CCP110: variants seen among roughly 807,000 people sequenced by gnomAD.
CCP110 encodes centriolar coiled-coil protein 110, also known as centriolar coiled-coil protein of 110 kDa.
Under a neutral mutation model 105.5 loss-of-function variants are expected in CCP110, and 43 were observed. That is an observed-to-expected ratio of 0.41 (90% confidence interval 0.32 to 0.53). CCP110 has a LOEUF of 0.53. Ranked by LOEUF, CCP110 falls within the 20% of genes least tolerant of loss-of-function variation. CCP110 has a pLI of 0.32. For missense variants in CCP110, 1,016 were observed against 1,189.1 expected, an observed-to-expected ratio of 0.85 and a Z score of 2.14; for synonymous variants, 353 against 392.1, an observed-to-expected ratio of 0.90 and a Z score of 1.18.
At chr16:19,539,421 G>T (rs918979818) in intron 4 of CCP110, among the ~76,000 whole-genome samples, 3 of 149,152 alleles carry the variant, frequency 2.0e-5, no homozygotes, top group Non-Finnish European at 3.0e-5. Context: ...CTAGATTGCT[G>T]TGGTGCGATC....
At chr16:19,529,157 A>G (rs1176840487) in intron 2 of CCP110, among the ~76,000 whole-genome samples, 2 of 152,222 alleles carry the variant, frequency 1.3e-5, no homozygotes, top group East Asian at 1.9e-4. Flanking sequence ...GGTACCCAAT[A>G]TAAGTTAACC....
Position 19,540,518 on chromosome 16 carries a change from A to G in CCP110, c.1919-139A>G, listed in dbSNP as rs992913377. 7 of 686,580 alleles carry G rather than the reference A, an allele frequency of 1.0e-5. No homozygotes were observed. In the Admixed American group the frequency reaches 1.2e-4, roughly 11 times the overall value. 42.5% of individuals were successfully genotyped at this position (686,580 alleles called of 1,614,324 possible). ...ATAAAAGGAGTGTGGTTCGAAGTAG[A>G]GACCCAGCTATATCTTGATTGTATT... On this transcript the variant is annotated intron_variant, in intron 4 of 14. Coordinates refer to ENST00000381396, the Ensembl canonical transcript of CCP110.
chr16:19,551,308 T>G (rs1348245022), exon 15 of CCP110: 1 of 1,349,036 alleles, frequency 7.4e-7, no homozygotes, highest in South Asian at 1.2e-5. Flanking sequence ...TTATTTTCCC[T>G]GCCCAAGACT....
At chr16:19,529,541 T>G (rs1323094551) in intron 2 of CCP110, among the ~76,000 whole-genome samples, 2 of 152,220 alleles carry the variant, frequency 1.3e-5, no homozygotes, top group Non-Finnish European at 2.9e-5. Flanking sequence ...TGCTTTATTG[T>G]GTTTGTGATT....
At chr16:19,538,052 C>T (rs566095181) in intron 4 of CCP110, among the ~76,000 whole-genome samples, 1 of 152,052 alleles carries the variant, frequency 6.6e-6, no homozygotes, top group East Asian at 1.9e-4. Context: ...GCGTGAGCCA[C>T]GACACCCAGC....
chr16:19,535,525 T>A (rs886756675), intron 3 of CCP110, among the ~76,000 whole-genome samples: 3 of 152,180 alleles, frequency 2.0e-5, no homozygotes, highest in African/African-American at 7.2e-5. Context: ...GCATATATTA[T>A]TATCCTTGGA....
rs146197753 is a variant in CCP110 at position 19,550,686 on chromosome 16, A to G, written c.2987-510A>G. ...TTATAGAAAACTAACTTTTCTTATGATAGAATATCATACTCTTAGACTGAA... is the reference window on the plus strand; with the variant it reads ...TTATAGAAAACTAACTTTTCTTATGGTAGAATATCATACTCTTAGACTGAA... On this transcript the variant is annotated intron_variant, in intron 14 of 14. Transcript: ENST00000381396. Among the ~76,000 whole-genome samples, 1,401 of 152,354 alleles carry G rather than the reference A, an allele frequency of 9.2e-3. 12 individuals are homozygous for G. The highest frequency in any genetic ancestry group is 0.013 in the Non-Finnish European group (913 of 68,028).
intron 5 of CCP110, among the ~76,000 whole-genome samples, chr16:19,541,213 T>C (rs974885846): frequency 4.0e-5 from 6 of 151,736 alleles, no homozygotes; most frequent in Non-Finnish European, 8.8e-5. Flanking sequence ...GATTTCGCCT[T>C]TGTCTAGCCA....
intron 10 of CCP110, 118 bp downstream of exon 10, chr16:19,545,328 T>G (rs1040855599): frequency 3.6e-6 from 2 of 557,800 alleles, no homozygotes; most frequent in African/African-American, 1.9e-5. Flanking sequence ...CACAAGTAAT[T>G]CCTGGAATTA....
At chr16:19,536,497 G>C in exon 4 of CCP110, 1 of 1,614,110 alleles carries the variant, frequency 6.2e-7, no homozygotes, top group Non-Finnish European at 8.5e-7. Flanking sequence ...GTGTAAAAGA[G>C]AAAGGCCAGT....
intron 4 of CCP110, among the ~76,000 whole-genome samples, chr16:19,538,203 G>A (rs1020228630): frequency 1.1e-4 from 17 of 151,636 alleles, no homozygotes; most frequent in African/African-American, 3.4e-4. Flanking sequence ...GATTACAGGC[G>A]TGAGCCATCA....
intron 3 of CCP110, among the ~76,000 whole-genome samples, chr16:19,534,109 C>G (rs974889747): frequency 3.3e-5 from 5 of 152,028 alleles, no homozygotes; most frequent in Non-Finnish European, 5.9e-5. Flanking sequence ...ATATTATTTC[C>G]CTTTCACAGT....
chr16:19,540,665 G>C (rs761451591), exon 5 of CCP110: 19 of 1,612,142 alleles, frequency 1.2e-5, no homozygotes, highest in Non-Finnish European at 1.6e-5. Context: ...AGAAAGCGAG[G>C]AGTTACTAAA....
intron 8 of CCP110, among the ~76,000 whole-genome samples, chr16:19,544,156 C>T (rs554605588): frequency 1.7e-3 from 260 of 152,306 alleles, no homozygotes; most frequent in African/African-American, 5.4e-3. Context: ...TCTCTTTGTA[C>T]TCTTTCTCTT....
chr16:19,544,851 A>G lies in CCP110; in HGVS notation c.2539A>G (p.Ile847Val), dbSNP rs947857573. Residue 847 changes from isoleucine to valine, a missense_variant, in exon 9 of 15, where the codon ATT becomes GTT. Transcript: ENST00000381396. ...GTCAGAAGCACCATTAAAGAGAGGC[A>G]TTGTTTCAGCTCAAGATGCTTCACT... 8.1e-6 allele frequency: 13 copies of G among 1,606,666 alleles called. No individual in the cohort carries two copies. The African/African-American group carries it at 1.3e-4, about 17-fold the overall frequency.
At chr16:19,527,702 AATT>A (rs1322470300) in intron 1 of CCP110, 162 bp from the exon 2 acceptor site, 1 of 426,756 alleles carries the variant, frequency 2.3e-6, no homozygotes, top group Non-Finnish European at 4.1e-6. Context: ...TCTTGAGGTG[AATT>A]ACCATACCCA....
exon 6 of CCP110, chr16:19,541,955 C>T: frequency 6.2e-7 from 1 of 1,610,552 alleles, no homozygotes; most frequent in Non-Finnish European, 8.5e-7. Flanking sequence ...CTGAGTTGGA[C>T]ATTAACAATG....
At chr16:19,536,619 T>C in exon 4 of CCP110, 1 of 1,614,188 alleles carries the variant, frequency 6.2e-7, no homozygotes, top group East Asian at 2.2e-5. Context: ...ATGCCAGTTT[T>C]AGCTAGCTTT....
chr16:19,538,299 G>GTTTTTTTTTTT (rs1555491002), intron 4 of CCP110, among the ~76,000 whole-genome samples: 2 of 86,824 alleles, frequency 2.3e-5, no homozygotes, highest in African/African-American at 1.2e-4. Flanking sequence ...GGAGGAAACA[G>GTTTTTTTTTTT]TTCTTTTTTT....
Sources: allele counts gnomAD v4.1 joint callset (sites outside exome capture counted in the v4.1 genomes callset), GRCh38; gene constraint gnomAD v4.1.1; transcripts MANE v1.5; gene names NCBI Gene and HGNC (gene_info 2026-07-23, HGNC 2026-07-21).